Variants in SAMD12 observed in about 807,000 individuals in gnomAD.
SAMD12 encodes sterile alpha motif domain containing 12, also known as sterile alpha motif domain-containing protein 12.
A neutral mutation model predicts 15.0 loss-of-function variants in SAMD12; 9 were observed. That is an observed-to-expected ratio of 0.60 (90% CI 0.36 to 1.05). The LOEUF (loss-of-function observed/expected upper bound fraction) is 1.05, where lower values mean the gene tolerates loss of function less well. SAMD12 is among the 50% of genes least tolerant of loss of function. The probability of loss-of-function intolerance (pLI) is 0.01; values close to 1 mark genes in which losing one functional copy is unlikely to be tolerated. For synonymous variants in SAMD12, 86 were observed against 90.1 expected (o/e 0.96, Z 0.25); for missense variants, 230 against 234.2 (o/e 0.98, Z 0.12).
At chr8:118,195,301 A>G (rs1819527922) in exon 5 of SAMD12, 1 of 152,240 alleles carries the variant, frequency 6.6e-6, no homozygotes, top group Non-Finnish European at 1.5e-5. Context: ...CCCAGTTACA[A>G]TATCTCAGCA....
intron 3 of SAMD12, among the ~76,000 whole-genome samples, chr8:118,399,009 G>A (rs564971898): frequency 1.1e-4 from 16 of 151,974 alleles, no homozygotes; most frequent in Non-Finnish European, 2.1e-4. Context: ...TCAGCCTCCC[G>A]AGTAGCTGAG....
chr8:118,372,861 C>G (rs1819176931), intron 4 of SAMD12, among the ~76,000 whole-genome samples: 1 of 152,052 alleles, frequency 6.6e-6, no homozygotes, highest in Non-Finnish European at 1.5e-5. Flanking sequence ...GGGATGATGA[C>G]ACATCACAGC....
chr8:118,578,342 A>G (rs941272999), intron 2 of SAMD12, among the ~76,000 whole-genome samples: 2 of 152,138 alleles, frequency 1.3e-5, no homozygotes, highest in Non-Finnish European at 2.9e-5. Flanking sequence ...CATATGAATG[A>G]TTATTTCCTT....
intron 3 of SAMD12, among the ~76,000 whole-genome samples, chr8:118,430,726 CTAT>C (rs1277024419): frequency 1.3e-5 from 2 of 152,094 alleles, no homozygotes; most frequent in Non-Finnish European, 2.9e-5. Flanking sequence ...AATATAACTA[CTAT>C]AAGAGTCTTG....
rs1554630371 is a variant in SAMD12, at chr8:118,318,355, T to TATACACAC, written c.433+61204_433+61205insGTGTGTAT. Among the ~76,000 whole-genome samples, 18 of 110,832 alleles carry TATACACAC rather than the reference T, an allele frequency of 1.6e-4. 1 individual carries two copies. The East Asian group carries it at 2.9e-3, about 18-fold the overall frequency. 72.7% of individuals were successfully genotyped at this position (110,832 alleles called of 152,430 possible). A position where few individuals can be genotyped will look rare whatever the true frequency, so the allele number is the denominator to read the frequency against. ...ATATATATATATATATATATATATA[T>TATACACAC]ACATATATACCATGGAACACTACTT... is the stretch of plus-strand genomic sequence containing the variant. On this transcript the variant is annotated intron_variant, in intron 4 of 4. Coordinates refer to the SAMD12 transcript ENST00000409003.
rs1242371496 is a variant in SAMD12, at chr8:118,366,835, A to C, written c.433+12725T>G. Among the ~76,000 whole-genome samples the C allele has an allele frequency of 3.7e-5, 4 of 108,752 alleles. No homozygotes were observed. The East Asian group carries it at 7.3e-4, about 20-fold the overall frequency. 71.3% of individuals were successfully genotyped at this position (108,752 alleles called of 152,430 possible). A position where few individuals can be genotyped will look rare whatever the true frequency, so the allele number is the denominator to read the frequency against. On this transcript the variant is annotated intron_variant, in intron 4 of 4. Transcript: ENST00000409003. ...CTCAAATAAAATAAAATAAAATAAAATAAAATAAAATAAAATAAAATAAAA... is the reference window on the plus strand; with the variant it reads ...CTCAAATAAAATAAAATAAAATAAACTAAAATAAAATAAAATAAAATAAAA...
At chr8:118,614,646 C>T (rs933614164) in intron 1 of SAMD12, among the ~76,000 whole-genome samples, 4 of 152,206 alleles carry the variant, frequency 2.6e-5, no homozygotes, top group African/African-American at 9.6e-5. Context: ...CAAATACCTT[C>T]TGCGGCAGCA....
intron 4 of SAMD12, among the ~76,000 whole-genome samples, chr8:118,328,014 T>A (rs1405299302): frequency 1.3e-5 from 2 of 152,230 alleles, no homozygotes; most frequent in East Asian, 3.8e-4. Context: ...TAAGCAAATA[T>A]ATAATAATGT....
intron 2 of SAMD12, among the ~76,000 whole-genome samples, chr8:118,505,394 C>T (rs1824895638): frequency 6.7e-6 from 1 of 149,800 alleles, no homozygotes. Context: ...ACATCCCAGG[C>T]TCCTTTGCAA....
chr8:118,606,066 G>C (rs554934885), intron 1 of SAMD12, among the ~76,000 whole-genome samples: 71 of 152,100 alleles, frequency 4.7e-4, no homozygotes, highest in African/African-American at 1.7e-3. Flanking sequence ...TCTGGTACTG[G>C]AGAGTCAATT....
At chr8:118,608,657 C>T (rs1455619625) in intron 1 of SAMD12, among the ~76,000 whole-genome samples, 1 of 152,058 alleles carries the variant, frequency 6.6e-6, no homozygotes, top group Non-Finnish European at 1.5e-5. Context: ...GTGTGCACCA[C>T]CACACCTGGC....
At chr8:118,293,598 T>A (rs769520919) in intron 4 of SAMD12, among the ~76,000 whole-genome samples, 33 of 152,222 alleles carry the variant, frequency 2.2e-4, no homozygotes, top group Non-Finnish European at 4.3e-4. Flanking sequence ...CATAGCCAGT[T>A]TGCCTTTATT....
chr8:118,217,175 TG>T (rs1811983255), intron 4 of SAMD12, among the ~76,000 whole-genome samples: 1 of 152,212 alleles, frequency 6.6e-6, no homozygotes, highest in Non-Finnish European at 1.5e-5. Context: ...AGCTAATTTT[TG>T]TATTTTTAGT....
intron 4 of SAMD12, among the ~76,000 whole-genome samples, chr8:118,204,231 A>T (rs1819799024): frequency 6.6e-6 from 1 of 151,768 alleles, no homozygotes; most frequent in Non-Finnish European, 1.5e-5. Context: ...TATGTATGGG[A>T]GAGGTAAAAG....
the SAMD12 span, among the ~76,000 whole-genome samples, chr8:118,154,350 A>G: frequency 5.3e-5 from 8 of 152,162 alleles, no homozygotes; most frequent in Non-Finnish European, 7.3e-5. Context: ...GATATTCGCT[A>G]TGCATGGGAT....
At chr8:118,165,093 T>G in the SAMD12 span, among the ~76,000 whole-genome samples, 16 of 151,940 alleles carry the variant, frequency 1.1e-4, no homozygotes, top group East Asian at 2.9e-3. Flanking sequence ...GAGATAGCAT[T>G]AGATCCCACA....
At chr8:118,437,347 TTC>T (rs1465799963) in intron 3 of SAMD12, among the ~76,000 whole-genome samples, 1 of 152,176 alleles carries the variant, frequency 6.6e-6, no homozygotes, top group African/African-American at 2.4e-5. Context: ...TCTGAAATCA[TTC>T]TCTCTGTTCC....
chr8:118,184,187 C>T, the SAMD12 span, among the ~76,000 whole-genome samples: 6 of 151,740 alleles, frequency 4.0e-5, no homozygotes, highest in Middle Eastern at 3.2e-3. Flanking sequence ...TATATAAAAC[C>T]GTTAAAAAAG....
intron 2 of SAMD12, among the ~76,000 whole-genome samples, chr8:118,553,357 G>C (rs925345985): frequency 2.8e-4 from 43 of 152,014 alleles, no homozygotes; most frequent in African/African-American, 9.4e-4. Flanking sequence ...GAACAGAACA[G>C]AGCCCTCAGA....
Sources: allele counts gnomAD v4.1 joint callset (sites outside exome capture counted in the v4.1 genomes callset), GRCh38; gene constraint gnomAD v4.1.1; transcripts MANE v1.5; gene names NCBI Gene and HGNC (gene_info 2026-07-23, HGNC 2026-07-21).